PAPPA2: variants seen among roughly 807,000 people sequenced by gnomAD.
PAPPA2 encodes pappalysin-2.
PAPPA2 carries 86 observed loss-of-function variants against 176.4 expected under a neutral mutation model. The ratio of observed to expected loss-of-function variants is 0.49; its 90% CI spans 0.41 to 0.58. PAPPA2 has a LOEUF of 0.58. Among genes scored for constraint, PAPPA2 ranks in the 20% least tolerant of loss-of-function variants. The pLI, the probability that PAPPA2 is intolerant of heterozygous loss-of-function variation, is 0.00. For synonymous variants in PAPPA2, 809 were observed against 852.2 expected, an observed-to-expected ratio of 0.95 and a Z score of 0.88; for missense variants, 2,073 against 2,256.9, an observed-to-expected ratio of 0.92 and a Z score of 1.65.
chr1:176,835,957 T>C (rs889569386), intron 21 of PAPPA2, among the ~76,000 whole-genome samples: 8 of 152,098 alleles, frequency 5.3e-5, no homozygotes, highest in African/African-American at 1.9e-4. Flanking sequence ...TTCTTTGCAT[T>C]GTTTGGATAT....
At chr1:176,492,982 G>A (rs1647374687) in intron 1 of PAPPA2, among the ~76,000 whole-genome samples, 1 of 152,108 alleles carries the variant, frequency 6.6e-6, no homozygotes, top group South Asian at 2.1e-4. Flanking sequence ...ACCCTCTAGT[G>A]TGATCTATTT....
At chr1:176,722,419 C>CTTTTTTTTTTTTT (rs34221424) in intron 12 of PAPPA2, among the ~76,000 whole-genome samples, 1 of 124,032 alleles carries the variant, frequency 8.1e-6, no homozygotes, top group Non-Finnish European at 1.7e-5. Context: ...TATACATTTC[C>CTTTTTTTTTTTTT]TTTTTTTTTT....
At chr1:176,472,807 A>T (rs1412523993) in intron 1 of PAPPA2, among the ~76,000 whole-genome samples, 2 of 152,102 alleles carry the variant, frequency 1.3e-5, no homozygotes, top group East Asian at 3.8e-4. Context: ...ACATTTTTAA[A>T]TTTTCTGTCT....
chr1:176,467,425 A>G (rs1187546344), intron 1 of PAPPA2, among the ~76,000 whole-genome samples: 2 of 152,214 alleles, frequency 1.3e-5, no homozygotes, highest in African/African-American at 4.8e-5. Context: ...TTGGAAACAG[A>G]GAATAGCACT....
chr1:176,528,590 A>G (rs1444066224), intron 1 of PAPPA2, among the ~76,000 whole-genome samples: 1 of 152,202 alleles, frequency 6.6e-6, no homozygotes, highest in Non-Finnish European at 1.5e-5. Context: ...ATTCAAGTGG[A>G]CTTTTAGATA....
intron 4 of PAPPA2, among the ~76,000 whole-genome samples, chr1:176,683,208 A>G (rs1432948602): frequency 6.6e-6 from 1 of 152,058 alleles, no homozygotes; most frequent in Admixed American, 6.6e-5. Context: ...TCTAATTAGC[A>G]GATTCTTTCT....
chr1:176,596,505 C>G (rs954016258), intron 3 of PAPPA2, among the ~76,000 whole-genome samples: 1 of 152,202 alleles, frequency 6.6e-6, no homozygotes, highest in Non-Finnish European at 1.5e-5. Flanking sequence ...ACCTGGGAGG[C>G]CTTTCCTAAT....
intron 1 of PAPPA2, among the ~76,000 whole-genome samples, chr1:176,537,717 G>GGGGTGTGT (rs1650138168): frequency 1.4e-5 from 1 of 69,232 alleles, no homozygotes; most frequent in African/African-American, 4.5e-5. Flanking sequence ...CAGTAGGTAT[G>GGGGTGTGT]GAGTGTGTGT....
intron 21 of PAPPA2, among the ~76,000 whole-genome samples, chr1:176,825,132 C>T (rs984198575): frequency 6.6e-6 from 1 of 152,196 alleles, no homozygotes; most frequent in African/African-American, 2.4e-5. Context: ...CTCTTACCTC[C>T]TTTTCCTGAC....
intron 3 of PAPPA2, among the ~76,000 whole-genome samples, chr1:176,645,658 G>A (rs913693745): frequency 3.3e-5 from 5 of 151,636 alleles, no homozygotes; most frequent in African/African-American, 1.2e-4. Context: ...TCTTTTTGAA[G>A]GACATTCGTA....
intron 2 of PAPPA2, among the ~76,000 whole-genome samples, chr1:176,573,235 G>A (rs1323006211): frequency 6.6e-6 from 1 of 152,154 alleles, no homozygotes; most frequent in Non-Finnish European, 1.5e-5. Flanking sequence ...CTCTGCATTT[G>A]GGGATGTAGA....
chr1:176,729,144 A>AATATATTC lies in PAPPA2; in HGVS notation c.3799-10480_3799-10473dup, dbSNP rs535651319. Among the ~76,000 whole-genome samples, 383 of 152,064 alleles carry AATATATTC rather than the reference A, an allele frequency of 2.5e-3. 9 individuals are homozygous for AATATATTC. Among genetic ancestry groups the AATATATTC allele is most frequent in the Admixed American group, 0.023 (358 of 15,280 alleles). ...TTTTGCCTGTCAAACTTTAGCCTTTAATATATTCAACATTTGTTTTTGTAT... is the reference window on the plus strand; with the variant it reads ...TTTTGCCTGTCAAACTTTAGCCTTTAATATATTCATATATTCAACATTTGTTTTTGTAT... On this transcript the variant is annotated intron_variant, in intron 12 of 22. Coordinates refer to ENST00000367662, the MANE Select transcript of PAPPA2 (RefSeq NM_020318.3).
intron 17 of PAPPA2, among the ~76,000 whole-genome samples, chr1:176,772,753 G>A (rs901450859): frequency 2.6e-5 from 4 of 152,186 alleles, no homozygotes; most frequent in African/African-American, 9.7e-5. Flanking sequence ...GCATCTAGAG[G>A]CAATTTGCAT....
rs923208189 is a variant in PAPPA2, at chr1:176,729,206, A to G, written c.3799-10420A>G. On this transcript the variant is annotated intron_variant, in intron 12 of 22. Coordinates refer to ENST00000367662, the MANE Select transcript of PAPPA2 (RefSeq NM_020318.3). ...CAGGGATCTACTTTTAAATACATGT[A>G]TAATCCAATTTTTCTAATATCGTCT... 3.9e-5 allele frequency among the ~76,000 whole-genome samples: 6 copies of G among 152,040 alleles called. No individual in the cohort carries two copies. The East Asian group carries it at 1.2e-3, about 29-fold the overall frequency.
intron 3 of PAPPA2, among the ~76,000 whole-genome samples, chr1:176,630,738 A>G (rs1656293030): frequency 6.6e-6 from 1 of 152,214 alleles, no homozygotes; most frequent in Non-Finnish European, 1.5e-5. Context: ...TGACACATGT[A>G]TTCATGGCAT....
intron 1 of PAPPA2, among the ~76,000 whole-genome samples, chr1:176,545,505 T>C (rs1388006117): frequency 6.6e-6 from 1 of 152,128 alleles, no homozygotes; most frequent in Non-Finnish European, 1.5e-5. Context: ...CTTGCCATTA[T>C]ACCATAATCA....
intron 2 of PAPPA2, among the ~76,000 whole-genome samples, chr1:176,560,942 A>G (rs942201704): frequency 1.3e-5 from 2 of 152,168 alleles, no homozygotes; most frequent in Non-Finnish European, 2.9e-5. Context: ...TCCGACAAAT[A>G]TTTATTGAGT....
intron 14 of PAPPA2, among the ~76,000 whole-genome samples, chr1:176,746,758 T>C (rs1396433423): frequency 2.6e-5 from 4 of 152,232 alleles, no homozygotes; most frequent in African/African-American, 4.8e-5. Context: ...AAGGTTTGCC[T>C]TGAACTATAA....
chr1:176,592,796 GC>G (rs1172554316), intron 2 of PAPPA2, among the ~76,000 whole-genome samples: 5 of 152,144 alleles, frequency 3.3e-5, no homozygotes, highest in Admixed American at 3.3e-4. Flanking sequence ...ATTCAATATT[GC>G]AGCCCATGTG....
Sources: allele counts gnomAD v4.1 joint callset (sites outside exome capture counted in the v4.1 genomes callset), GRCh38; gene constraint gnomAD v4.1.1; transcripts MANE v1.5; gene names NCBI Gene and HGNC (gene_info 2026-07-23, HGNC 2026-07-21).